KCTD2: variants seen among roughly 807,000 people sequenced by gnomAD.
KCTD2 encodes BTB/POZ domain-containing protein KCTD2.
Under a neutral mutation model 27.9 loss-of-function variants are expected in KCTD2, and 18 were observed. The observed-to-expected ratio is 0.64, with a 90% CI of 0.45 to 0.96. The LOEUF (loss-of-function observed/expected upper bound fraction) is 0.96, where lower values mean the gene tolerates loss of function less well. Ranked by LOEUF, KCTD2 falls within the 40% of genes least tolerant of loss-of-function variation. The probability of loss-of-function intolerance (pLI) is 0.00; values close to 1 mark genes in which losing one functional copy is unlikely to be tolerated. For synonymous variants in KCTD2, 175 were observed against 148.4 expected (o/e 1.18, Z -1.30); for missense variants, 280 against 348.0 (o/e 0.80, Z 1.56).
intron 2 of KCTD2, chr17:75,035,170 A>G (rs1054064288): frequency 1.3e-5 from 2 of 152,094 alleles, no homozygotes; most frequent in Non-Finnish European, 2.9e-5. Flanking sequence ...TGAGGGTTCG[A>G]GTCCCTTCGT....
chr17:75,057,090 A>G (rs2073358260), intron 3 of KCTD2, among the ~76,000 whole-genome samples: 1 of 150,736 alleles, frequency 6.6e-6, no homozygotes, highest in South Asian at 2.1e-4. Flanking sequence ...GAGTAGCTAG[A>G]TTACAGGTGT....
chr17:75,043,611 C>CAAAA (rs533075854), upstream of KCTD2, among the ~76,000 whole-genome samples: 2 of 80,666 alleles, frequency 2.5e-5, no homozygotes, highest in African/African-American at 4.0e-5. Flanking sequence ...GACTCTGTCT[C>CAAAA]AAAAAAAAAA....
chr17:75,033,211 C>G (rs1473767540), intron 1 of KCTD2: 3 of 152,024 alleles, frequency 2.0e-5, no homozygotes, highest in Non-Finnish European at 4.4e-5. Flanking sequence ...TCAAGCAATC[C>G]CCCCACCTCA....
chr17:75,052,849 G>A (rs536426768), intron 2 of KCTD2, among the ~76,000 whole-genome samples, 165 bp from the exon 3 acceptor site: 29 of 152,210 alleles, frequency 1.9e-4, no homozygotes, highest in African/African-American at 6.3e-4. Context: ...AGCCAAGATC[G>A]CACCACTGAA....
intron 3 of KCTD2, among the ~76,000 whole-genome samples, chr17:75,055,867 C>T (rs1427520255): frequency 6.7e-6 from 1 of 149,662 alleles, no homozygotes; most frequent in Non-Finnish European, 1.5e-5. Flanking sequence ...ACCCTGTCTA[C>T]TAAAAATACG....
intron 5 of KCTD2, among the ~76,000 whole-genome samples, chr17:75,062,699 A>AACACACACACACAC (rs10533801): frequency 0.06 from 6,968 of 115,996 alleles, 549 homozygotes; most frequent in South Asian, 0.095. Flanking sequence ...CCTCACCCCC[A>AACACACACACACAC]ACACACACAC....
upstream of KCTD2, among the ~76,000 whole-genome samples, chr17:75,044,204 T>TAGTAGAGACAGGG (rs1567988354): frequency 7.4e-3 from 825 of 111,096 alleles, 9 homozygotes; most frequent in African/African-American, 0.019. Context: ...TTTGTATTTT[T>TAGTAGAGACAGGG]TTTTTTTTTT....
At position 75,053,858 on chromosome 17, in the gene KCTD2, C is replaced by CTTTTTTTTTTT. The variant is rs71159419; in HGVS notation, c.540+769_540+779dup. On this transcript the variant is annotated intron_variant, in intron 3 of 5. Coordinates refer to ENST00000322444, the MANE Select transcript of KCTD2 (RefSeq NM_015353.3). ...CTTCAGCAGCTGCTTGTGAACCATG[C>CTTTTTTTTTTT]TTTTTTTTTTTTTTTTTTTTTTTTT... is the stretch of plus-strand genomic sequence containing the variant. Among the ~76,000 whole-genome samples the CTTTTTTTTTTT allele has an allele frequency of 2.4e-3, 143 of 59,312 alleles. 35 individuals are homozygous for CTTTTTTTTTTT. Among genetic ancestry groups the CTTTTTTTTTTT allele is most frequent in the African/African-American group, 0.013 (130 of 10,340 alleles). The allele number at this position is 59,312 out of a possible 152,430, so 38.9% of individuals were successfully genotyped here.
At chr17:75,057,707 G>T (rs112269925) in intron 3 of KCTD2, among the ~76,000 whole-genome samples, 3 of 151,596 alleles carry the variant, frequency 2.0e-5, no homozygotes, top group Admixed American at 1.3e-4. Flanking sequence ...TTACAGGCAC[G>T]TGCCACCTCA....
At chr17:75,061,233 G>T (rs972404684) in intron 4 of KCTD2, among the ~76,000 whole-genome samples, 1 of 152,196 alleles carries the variant, frequency 6.6e-6, no homozygotes, top group Non-Finnish European at 1.5e-5. Flanking sequence ...CAGCCATGCC[G>T]CCCATGTGAG....
chr17:75,043,624 A>C (rs1422061286), upstream of KCTD2, among the ~76,000 whole-genome samples: 8 of 151,920 alleles, frequency 5.3e-5, no homozygotes, highest in South Asian at 2.1e-4. Flanking sequence ...AAAAAAAAAA[A>C]AAAACAAACC....
chr17:75,034,548 C>T (rs1175994562), intron 2 of KCTD2, among the ~76,000 whole-genome samples: 3 of 152,174 alleles, frequency 2.0e-5, no homozygotes, highest in Admixed American at 2.0e-4. Flanking sequence ...GGTGTTCAAC[C>T]ATAGTGCCCA....
At chr17:75,039,046 G>C in intron 3 of KCTD2, 1 of 1,614,042 alleles carries the variant, frequency 6.2e-7, no homozygotes, top group Admixed American at 1.7e-5. Context: ...ATGGAATTAA[G>C]TTCTTCATCT....
At chr17:75,042,142 A>C in intron 3 of KCTD2, 1 of 1,548,806 alleles carries the variant, frequency 6.5e-7, no homozygotes, top group Non-Finnish European at 8.9e-7. Context: ...ACCCACAGGC[A>C]TGTTACAAGC....
chr17:75,053,104 A>G lies in KCTD2; in HGVS notation c.539A>G (p.Gln180Arg). 1.2e-6 allele frequency: 2 copies of G among 1,611,450 alleles called. No homozygotes were observed. The highest frequency in any genetic ancestry group is 1.3e-5 in the African/African-American group (1 of 74,964). The change falls in exon 3 of 6, where the codon CAA becomes CGA. Residue 180 changes from glutamine to arginine, a missense_variant and splice_region_variant. Coordinates refer to ENST00000322444, the MANE Select transcript of KCTD2 (RefSeq NM_015353.3). ...CGGGACAATGAGAACAGAACTTCAC[A>G]AGTAATGTATTTGGAACTGTTAAGG... is the stretch of plus-strand genomic sequence containing the variant. The part of the protein sequence containing the change: ...RIRDNENRTS[Q>R]GPVKHVYRVL...
At chr17:75,061,865 G>T (rs1027614913) in intron 4 of KCTD2, among the ~76,000 whole-genome samples, 1 of 151,786 alleles carries the variant, frequency 6.6e-6, no homozygotes, top group South Asian at 2.1e-4. Flanking sequence ...GCCGCTGACG[G>T]GGGGGGACTT....
chr17:75,050,948 G>C (rs779836729), intron 2 of KCTD2, among the ~76,000 whole-genome samples: 1 of 150,822 alleles, frequency 6.6e-6, no homozygotes, highest in Non-Finnish European at 1.5e-5. Flanking sequence ...GAGTAGCTGC[G>C]ATTATAGGCA....
rs749673678 is a variant in KCTD2, at chr17:75,039,312, C to T, written c.-259+3955C>T. 15 of 1,574,028 alleles carry T rather than the reference C, an allele frequency of 9.5e-6. No individual in the cohort carries two copies. In the South Asian group the frequency reaches 1.7e-4, roughly 17 times the overall value. ...GAAATTCAGTTCTGAAACCAGGCTG[C>T]ATTCTACCCCAGCAGCTGCTAAGGT... On this transcript the variant is annotated intron_variant, in intron 3 of 7. Transcript: ENST00000581589.
intron 3 of KCTD2, among the ~76,000 whole-genome samples, chr17:75,053,686 G>GC (rs2073316878): frequency 6.6e-6 from 1 of 151,704 alleles, no homozygotes; most frequent in Non-Finnish European, 1.5e-5. Flanking sequence ...CAGGTGATCT[G>GC]CCCGCCTCAG....
Sources: allele counts gnomAD v4.1 joint callset (sites outside exome capture counted in the v4.1 genomes callset), GRCh38; gene constraint gnomAD v4.1.1; transcripts MANE v1.5; gene names NCBI Gene and HGNC (gene_info 2026-07-23, HGNC 2026-07-21).